The following XCR1 variants were observed in gnomAD, a reference collection of about 807,000 sequenced individuals.
The protein encoded by XCR1 is chemokine XC receptor 1.
For missense variants in XCR1, 356 were observed against 424.2 expected, an observed-to-expected ratio of 0.84 and a Z score of 1.41; for synonymous variants, 187 against 188.5, an observed-to-expected ratio of 0.99 and a Z score of 0.06.
intron 3 of XCR1, among the ~76,000 whole-genome samples, chr3:46,067,431 T>C (rs539742410): frequency 5.3e-5 from 8 of 152,222 alleles, no homozygotes; most frequent in Non-Finnish European, 1.2e-4. Flanking sequence ...GGTTTGAGAC[T>C]GGAAAGATAA....
chr3:46,033,598 A>C (rs6780028), intron 5 of XCR1, among the ~76,000 whole-genome samples: 30,316 of 152,146 alleles, frequency 0.2, 4,423 homozygotes, highest in African/African-American at 0.4. Flanking sequence ...AAAGTTTGGT[A>C]ATGCTAGGCC....
At chr3:46,032,670 G>A (rs1278710972) in intron 5 of XCR1, among the ~76,000 whole-genome samples, 2 of 152,192 alleles carry the variant, frequency 1.3e-5, no homozygotes, top group African/African-American at 2.4e-5. Flanking sequence ...GTAACAATAA[G>A]ACTATGTTTA....
At chr3:46,085,138 A>G (rs565301285) in intron 1 of XCR1, among the ~76,000 whole-genome samples, 1 of 152,018 alleles carries the variant, frequency 6.6e-6, no homozygotes, top group East Asian at 1.9e-4. Flanking sequence ...GCCCCTCTTA[A>G]GGAGTTCCTG....
At chr3:46,034,801 T>G (rs1456350115) in intron 5 of XCR1, among the ~76,000 whole-genome samples, 4 of 152,204 alleles carry the variant, frequency 2.6e-5, no homozygotes. Context: ...GCTTAAAACT[T>G]GTATTTGTTT....
At chr3:46,047,160 T>A (rs1310332453) in intron 5 of XCR1, among the ~76,000 whole-genome samples, 1 of 152,180 alleles carries the variant, frequency 6.6e-6, no homozygotes, top group Non-Finnish European at 1.5e-5. Flanking sequence ...TTGAATAGAA[T>A]TATGCAAAGC....
At chr3:46,046,124 T>C (rs113516021) in intron 5 of XCR1, among the ~76,000 whole-genome samples, 17 of 152,128 alleles carry the variant, frequency 1.1e-4, no homozygotes, top group Non-Finnish European at 1.5e-5. Flanking sequence ...CACAGAAAGA[T>C]AAATATTGCA....
At chr3:46,063,707 G>C (rs1698009305) in intron 4 of XCR1, among the ~76,000 whole-genome samples, 1 of 152,184 alleles carries the variant, frequency 6.6e-6, no homozygotes, top group Non-Finnish European at 1.5e-5. Context: ...GGCACACACT[G>C]TTTCCTCTGC....
chr3:46,073,137 C>T (rs1464521857), intron 3 of XCR1, among the ~76,000 whole-genome samples: 1 of 152,092 alleles, frequency 6.6e-6, no homozygotes, highest in African/African-American at 2.4e-5. Context: ...AGATTCAAGA[C>T]TTAAATATAA....
intron 4 of XCR1, among the ~76,000 whole-genome samples, chr3:46,066,425 A>G (rs558250027): frequency 1.3e-5 from 2 of 152,232 alleles, no homozygotes; most frequent in East Asian, 1.9e-4. Flanking sequence ...TTATATTTTT[A>G]GTAGAGACGG....
chr3:46,033,971 GTT>G (rs36062240), intron 5 of XCR1, among the ~76,000 whole-genome samples: 3 of 149,572 alleles, frequency 2.0e-5, no homozygotes, highest in African/African-American at 7.4e-5. Context: ...GTTCATTGCT[GTT>G]TTTTTTTTCT....
chr3:46,055,092 G>A (rs1697830344), intron 4 of XCR1, among the ~76,000 whole-genome samples: 1 of 152,230 alleles, frequency 6.6e-6, no homozygotes, highest in South Asian at 2.1e-4. Context: ...GAAGTAGACA[G>A]AGTGCTGAAG....
intron 2 of XCR1, among the ~76,000 whole-genome samples, chr3:46,075,234 G>A (rs372395375): frequency 6.7e-6 from 1 of 149,850 alleles, no homozygotes; most frequent in South Asian, 2.1e-4. Context: ...TTTGACAGTG[G>A]TGCCAAAGCA....
upstream of XCR1, among the ~76,000 whole-genome samples, chr3:46,032,131 G>T (rs1011889743): frequency 3.3e-5 from 5 of 152,226 alleles, no homozygotes; most frequent in East Asian, 9.6e-4. Context: ...AAATGGTGAC[G>T]CTAAAAGAAC....
chr3:46,059,860 A>G (rs1314846673), intron 4 of XCR1, among the ~76,000 whole-genome samples: 2 of 152,224 alleles, frequency 1.3e-5, no homozygotes, highest in East Asian at 3.9e-4. Context: ...TCTTTACAAT[A>G]AGAAAGTCAT....
intron 5 of XCR1, among the ~76,000 whole-genome samples, chr3:46,033,522 T>G (rs1353150124): frequency 6.6e-6 from 1 of 152,210 alleles, no homozygotes; most frequent in Admixed American, 6.5e-5. Context: ...CTCTCTGTTA[T>G]GTTCTGCTAG....
chr3:46,059,146 T>TG (rs2125900681), intron 4 of XCR1, among the ~76,000 whole-genome samples: 1 of 152,324 alleles, frequency 6.6e-6, no homozygotes, highest in African/African-American at 2.4e-5. Flanking sequence ...GCTGAGGAAG[T>TG]GGCCCATATA....
chr3:46,081,091 A>G (rs1259254156), intron 1 of XCR1, among the ~76,000 whole-genome samples: 2 of 152,188 alleles, frequency 1.3e-5, no homozygotes, highest in Non-Finnish European at 2.9e-5. Flanking sequence ...ATTAGAAAAG[A>G]TAATTCCTTC....
At chr3:46,077,283 T>C (rs1191855463) in intron 1 of XCR1, among the ~76,000 whole-genome samples, 1 of 152,086 alleles carries the variant, frequency 6.6e-6, no homozygotes, top group Non-Finnish European at 1.5e-5. Flanking sequence ...GAGGTCCTCC[T>C]CCTGTCAGAT....
At chr3:46,023,567 A>G (rs1281387769) in intron 1 of XCR1, 4 of 1,478,974 alleles carry the variant, frequency 2.7e-6, no homozygotes, top group Non-Finnish European at 3.8e-6. Context: ...CAGAACACAG[A>G]CAAGGATGTA....
Sources: gnomAD v4.1 joint callset for allele counts (sites outside exome capture counted in the v4.1 genomes callset) on GRCh38, gnomAD v4.1.1 for gene constraint, MANE v1.5 for transcripts, NCBI Gene and HGNC (gene_info 2026-07-23, HGNC 2026-07-21) for gene names.